DLK2: variants seen among roughly 807,000 people sequenced by gnomAD.
DLK2 encodes the protein protein delta homolog 2.
In DLK2, 9 loss-of-function variants were observed where a neutral mutation model predicts 31.3. The observed-to-expected ratio is 0.29, with a 90% CI of 0.17 to 0.50. The LOEUF (loss-of-function observed/expected upper bound fraction) is 0.50. Ranked by LOEUF, DLK2 falls within the 20% of genes least tolerant of loss-of-function variation. The pLI is 0.98. For synonymous variants in DLK2, 169 were observed against 201.2 expected (o/e 0.84, Z 1.35); for missense variants, 387 against 526.1 (o/e 0.74, Z 2.59).
intron 3 of DLK2, 55 bp downstream of exon 3, chr6:43,454,356 A>G: frequency 1.3e-6 from 2 of 1,535,884 alleles, no homozygotes; most frequent in South Asian, 2.4e-5. Context: ...TGTGCACGTG[A>G]AGGGCTTAGA....
chr6:43,451,935 C>A lies in DLK2; in HGVS notation c.416+5G>T. The A allele has an allele frequency of 6.2e-7, 1 of 1,614,068 alleles. No homozygotes were observed. The highest frequency in any genetic ancestry group is 8.5e-7 in the Non-Finnish European group (1 of 1,180,024). ...TTCCACTCACCCTGAGGGCCCAGCA[C>A]TCACCCTGCCTGTTCACAGGGTCCA... On this transcript the variant is annotated splice_donor_5th_base_variant and intron_variant, in intron 5 of 5. Transcript: ENST00000372488. The surrounding 1 kb of genome is among the most constrained non-coding windows in gnomAD (Gnocchi z 4.4).
rs757586307 is a variant in DLK2 at position 43,450,677 on chromosome 6, G to C, written c.1014C>G (p.Pro338=). Residue 338 remains proline, a synonymous_variant, in exon 6 of 6, where the codon CCC becomes CCG. Coordinates refer to ENST00000372488, the MANE Select transcript of DLK2 (RefSeq NM_023932.4). This position sits in a 1 kb window ranked among gnomAD's most constrained non-coding sequence, Gnocchi z 4.5. ...TLRAWRRGVC[P]PGPCCYPAPH... Reference sequence around the variant, plus strand: ...GGGCAGGGTAGCAACAGGGTCCAGGGGGGCAGACACCCCGGCGCCAGGCCC... The same window carrying C: ...GGGCAGGGTAGCAACAGGGTCCAGGCGGGCAGACACCCCGGCGCCAGGCCC... The C allele has an allele frequency of 3.1e-6, 5 of 1,613,944 alleles. No homozygotes were observed. The South Asian group carries it at 5.5e-5, about 18-fold the overall frequency.
upstream of DLK2, chr6:43,455,612 C>A (rs920218280): frequency 6.8e-6 from 1 of 146,282 alleles, no homozygotes; most frequent in South Asian, 2.2e-4. Context: ...GGCCCCCTGC[C>A]AGGGGCGGAG....
chr6:43,455,277 G>GCCCCCCCCCCCCCCCCCCCC (rs572751222), intron 1 of DLK2, 118 bp downstream of exon 1: 1 of 128,098 alleles, frequency 7.8e-6, no homozygotes, highest in Non-Finnish European at 1.6e-5. Flanking sequence ...AGCTCCGACA[G>GCCCCCCCCCCCCCCCCCCCC]CCCCCCCCCC....
Position 43,451,820 on chromosome 6 carries a change from A to T in DLK2, c.416+120T>A, listed in dbSNP as rs1426570610. On this transcript the variant is annotated intron_variant, in intron 5 of 5. Transcript: ENST00000372488. This position sits in a 1 kb window ranked among gnomAD's most constrained non-coding sequence, Gnocchi z 4.4. ...CTTTGGCATGCAGGGGTTTTATCTG[A>T]GTGTCCCCGTGTGGGTCTGACTCTC... 1.2e-5 allele frequency: 17 copies of T among 1,455,434 alleles called. No individual in the cohort carries two copies. The highest frequency in any genetic ancestry group is 1.4e-5 in the Non-Finnish European group (15 of 1,106,188). 90.2% of individuals were successfully genotyped at this position (1,455,434 alleles called of 1,614,324 possible).
chr6:43,455,016 G>A, intron 1 of DLK2, 136 bp from the exon 2 acceptor site: 2 of 1,382,332 alleles, frequency 1.4e-6, no homozygotes, highest in Non-Finnish European at 1.9e-6. Context: ...GAGGATGGGG[G>A]CAGGGAAGGG....
In DLK2 at chr6:43,453,746, G is replaced by A. The variant is rs1347579825; in HGVS notation, c.141-611C>T. Among the ~76,000 whole-genome samples the A allele has an allele frequency of 3.3e-5, 5 of 152,200 alleles. No individual in the cohort carries two copies. The South Asian group carries it at 6.2e-4, about 19-fold the overall frequency. On this transcript the variant is annotated intron_variant, in intron 3 of 5. Coordinates refer to ENST00000372488, the MANE Select transcript of DLK2 (RefSeq NM_023932.4). This position sits in a 1 kb window ranked among gnomAD's most constrained non-coding sequence, Gnocchi z 4.1. Reference sequence around the variant, plus strand: ...AGAGGCTGCAGTGAGCTGAGATCGCGCCACTGCACTCCAGCCTTGGCAACA... The same window carrying A: ...AGAGGCTGCAGTGAGCTGAGATCGCACCACTGCACTCCAGCCTTGGCAACA...
At chr6:43,455,645 C>G (rs1463288664), upstream of DLK2, 22 of 141,724 alleles carry the variant, frequency 1.6e-4, 1 homozygote, top group Admixed American at 7.5e-4. Context: ...CCCATCCCCC[C>G]CCCCGCGACG....
chr6:43,450,361 CAT>C lies in DLK2; in HGVS notation c.*176_*177del, dbSNP rs1178219265. The C allele has an allele frequency of 1.0e-6, 1 of 993,956 alleles. No individual in the cohort carries two copies. The highest frequency in any genetic ancestry group is 1.6e-5 in the African/African-American group (1 of 60,820). The allele number at this position is 993,956 out of a possible 1,614,324, so 61.6% of individuals were successfully genotyped here. ...TGGCATAGGAGCCCACTTGCATTTT[CAT>C]AGTTTTATTTGATAAAATTCCATCT... is the stretch of plus-strand genomic sequence containing the variant. On this transcript the variant is annotated 3_prime_UTR_variant, in exon 6 of 6. Transcript: ENST00000372488. This position sits in a 1 kb window ranked among gnomAD's most constrained non-coding sequence, Gnocchi z 4.5.
chr6:43,455,641 C>A (rs1783957698), upstream of DLK2: 1 of 138,714 alleles, frequency 7.2e-6, no homozygotes, highest in African/African-American at 2.7e-5. Flanking sequence ...CACCCCCATC[C>A]CCCCCCCCGC....
chr6:43,454,381 G>C, intron 3 of DLK2, 30 bp downstream of exon 3: 1 of 1,593,696 alleles, frequency 6.3e-7, no homozygotes, highest in South Asian at 1.1e-5. Flanking sequence ...GGTACCAAAG[G>C]GTTTGGGGGC....
rs969752620 is a variant in DLK2 at position 43,450,580 on chromosome 6, G to C, written c.1111C>G (p.Arg371Gly). 1 of 1,581,592 alleles carries C rather than the reference G, an allele frequency of 6.3e-7. No individual in the cohort carries two copies. The highest frequency in any genetic ancestry group is 8.6e-7 in the Non-Finnish European group (1 of 1,162,172). ...SMLPAGLPLP[R>G]DLPPEPGKTT... ...TTTCCAGGCTCAGGGGGCAAGTCAC[G>C]TGGCAGGGGGAGCCCTGCTGGCAGC... Residue 371 changes from arginine (R) to glycine (G), a missense_variant, in exon 6 of 6, where the codon CGT (arginine) becomes GGT (glycine). Arg to Gly is a moderately radical substitution (Grantham distance 125). Transcript: ENST00000372488. The surrounding 1 kb of genome is among the most constrained non-coding windows in gnomAD (Gnocchi z 4.5).
At position 43,450,906 on chromosome 6, in the gene DLK2, G is replaced by T; in HGVS notation, c.785C>A (p.Thr262Asn). Residue 262 changes from threonine (T) to asparagine (N), a missense_variant, in exon 6 of 6, where the codon ACC becomes AAC. By Grantham distance (65) the Thr-to-Asn change is moderately conservative. Coordinates refer to ENST00000372488, the MANE Select transcript of DLK2 (RefSeq NM_023932.4). The surrounding 1 kb of genome is among the most constrained non-coding windows in gnomAD (Gnocchi z 4.5). Reference sequence around the variant, plus strand: ...TACAGCTGAGGTGGGCCCTAGAGGGGTGTCCACTGTGGTTGGGGGGTCTGG... The same window carrying T: ...TACAGCTGAGGTGGGCCCTAGAGGGTTGTCCACTGTGGTTGGGGGGTCTGG... ...PVPDPPTTVDTPLGPTSAVVV... is the reference protein window; with the variant it reads ...PVPDPPTTVDNPLGPTSAVVV... The T allele has an allele frequency of 1.2e-6, 2 of 1,614,228 alleles. No homozygotes were observed. Among genetic ancestry groups the T allele is most frequent in the Non-Finnish European group, 1.7e-6 (2 of 1,180,034 alleles).
Position 43,452,100 on chromosome 6 carries a change from G to A in DLK2, c.272-16C>T. On this transcript the variant is annotated splice_polypyrimidine_tract_variant and intron_variant, in intron 4 of 5. Transcript: ENST00000372488. The stretch of plus-strand genomic sequence containing the variant: ...ATATGTTCATCTGGAGAGGGGACAG[G>A]AAAGGCTCTGGGATAACCCCTCCCA... 2 of 1,614,116 alleles carry A rather than the reference G, an allele frequency of 1.2e-6. No homozygotes were observed. The highest frequency in any genetic ancestry group is 1.7e-6 in the Non-Finnish European group (2 of 1,179,972).
Position 43,451,397 on chromosome 6 carries a change from C to T in DLK2, c.417-123G>A. On this transcript the variant is annotated intron_variant, in intron 5 of 5. Transcript: ENST00000372488. The surrounding 1 kb of genome is among the most constrained non-coding windows in gnomAD (Gnocchi z 4.4). ...GGCTACACACTCCGAGCCTCAAATA[C>T]CTCATTTTAAAAATGAGAATAAAAA... 1.6e-6 allele frequency: 2 copies of T among 1,233,546 alleles called. No individual in the cohort carries two copies. The highest frequency in any genetic ancestry group is 2.2e-6 in the Non-Finnish European group (2 of 906,182). 76.4% of individuals were successfully genotyped at this position (1,233,546 alleles called of 1,614,324 possible).
chr6:43,452,266 C>T (rs1268852949), intron 4 of DLK2, among the ~76,000 whole-genome samples, 182 bp from the exon 5 acceptor site: 1 of 152,230 alleles, frequency 6.6e-6, no homozygotes, highest in African/African-American at 2.4e-5. Flanking sequence ...AGGCTCCTGG[C>T]CCTGGCTCTC....
Position 43,450,741 on chromosome 6 carries a change from G to A in DLK2, c.950C>T (p.Thr317Ile). Residue 317 changes from threonine to isoleucine, a missense_variant, in exon 6 of 6, where the codon ACT becomes ATT. By Grantham distance (89) the Thr-to-Ile change is moderately conservative (BLOSUM62 -1). Coordinates refer to ENST00000372488, the MANE Select transcript of DLK2 (RefSeq NM_023932.4). The surrounding 1 kb of genome is among the most constrained non-coding windows in gnomAD (Gnocchi z 4.5). ...CACAGTAGCCAGAACCAGGGCAGCA[G>A]TGAGGGCCCCAAACACCACCAGGGC... ...LVALVVFGAL[T>I]AALVLATVLL... 1.2e-6 allele frequency: 2 copies of A among 1,614,218 alleles called. No individual in the cohort carries two copies. The highest frequency in any genetic ancestry group is 1.7e-6 in the Non-Finnish European group (2 of 1,180,016).
Position 43,451,843 on chromosome 6 carries a change from C to A in DLK2, c.416+97G>T. 1 of 1,513,270 alleles carries A rather than the reference C, an allele frequency of 6.6e-7. No individual in the cohort carries two copies. The highest frequency in any genetic ancestry group is 1.3e-5 in the South Asian group (1 of 75,960). The allele number at this position is 1,513,270 out of a possible 1,614,324, so 93.7% of individuals were successfully genotyped here. On this transcript the variant is annotated intron_variant, in intron 5 of 5. Transcript: ENST00000372488. The surrounding 1 kb of genome is among the most constrained non-coding windows in gnomAD (Gnocchi z 4.4). ...TGAGTGTCCCCGTGTGGGTCTGACT[C>A]TCAGTCCCCCACCCTCCCAACAGTC...
upstream of DLK2, chr6:43,455,638 A>G (rs891175900): frequency 3.6e-5 from 1 of 27,818 alleles, no homozygotes; most frequent in Non-Finnish European, 7.8e-5. Context: ...CCCCACCCCC[A>G]TCCCCCCCCC....
Sources: gnomAD v4.1 joint callset for allele counts (sites outside exome capture counted in the v4.1 genomes callset) on GRCh38, gnomAD v4.1.1 for gene constraint, Gnocchi (gnomAD v3.1) non-coding constraint, MANE v1.5 for transcripts, NCBI Gene and HGNC (gene_info 2026-07-23, HGNC 2026-07-21) for gene names.